Variants in NFIA observed in about 807,000 individuals in gnomAD.
NFIA encodes nuclear factor 1 A-type.
In NFIA, 8 loss-of-function variants were observed where a neutral mutation model predicts 62.8. The observed-to-expected ratio is 0.13, with a 90% CI of 0.07 to 0.23. The LOEUF is 0.23. Among genes scored for constraint, NFIA ranks in the 10% least tolerant of loss-of-function variants. NFIA has a pLI of 1.00. For synonymous variants in NFIA, 235 were observed against 238.1 expected (o/e 0.99, Z 0.12); for missense variants, 410 against 642.1 (o/e 0.64, Z 3.91).
chr1:61,412,032 A>G (rs1263533277), intron 9 of NFIA, among the ~76,000 whole-genome samples: 1 of 152,036 alleles, frequency 6.6e-6, no homozygotes, highest in Non-Finnish European at 1.5e-5. Flanking sequence ...CAGAGAGGTA[A>G]TGCCACCTAG....
At chr1:61,434,079 G>C (rs373132818) in intron 10 of NFIA, among the ~76,000 whole-genome samples, 3 of 152,192 alleles carry the variant, frequency 2.0e-5, no homozygotes, top group Non-Finnish European at 2.9e-5. Flanking sequence ...TTCTTCCCTT[G>C]TACAGGCAGC....
chr1:61,461,841 T>C lies in NFIA; in HGVS notation c.*6521T>C, dbSNP rs1198369715. 8 of 152,242 alleles carry C rather than the reference T, an allele frequency of 5.3e-5. No homozygotes were observed. Among genetic ancestry groups the C allele is most frequent in the Admixed American group, 2.6e-4 (4 of 15,286 alleles). The allele number at this position is 152,242 out of a possible 1,614,324, so 9.4% of individuals were successfully genotyped here. On this transcript the variant is annotated 3_prime_UTR_variant, in exon 11 of 11. Transcript: ENST00000403491. ...CCACCAGGTCATACAATGTGAACTT[T>C]TGTATCTCTGCAGTGGTTTCAAGGA...
chr1:61,461,602 A>AG lies in NFIA; in HGVS notation c.*6287dup, dbSNP rs2147963121. The AG allele has an allele frequency of 1.3e-5, 2 of 152,316 alleles. No individual in the cohort carries two copies. The highest frequency in any genetic ancestry group is 4.2e-4 in the South Asian group (2 of 4,818). The allele number at this position is 152,316 out of a possible 1,614,324, so 9.4% of individuals were successfully genotyped here. A position where few individuals can be genotyped will look rare whatever the true frequency, so the allele number is the denominator to read the frequency against. On this transcript the variant is annotated 3_prime_UTR_variant, in exon 11 of 11. Transcript: ENST00000403491. ...GATAGCGGAAATGCTTAGAAAGATA[A>AG]GGGGGACCACCCACAGCTGGTCGTG...
intron 2 of NFIA, among the ~76,000 whole-genome samples, chr1:61,099,455 C>G (rs559399530): frequency 6.6e-6 from 1 of 152,292 alleles, no homozygotes; most frequent in South Asian, 2.1e-4. Flanking sequence ...TCTTTAAACT[C>G]TTTTGGCAAT....
chr1:61,217,086 T>C (rs1653678831), intron 2 of NFIA, among the ~76,000 whole-genome samples: 1 of 150,858 alleles, frequency 6.6e-6, no homozygotes, highest in Non-Finnish European at 1.5e-5. Context: ...AGATGGAGTT[T>C]CACTCTGTCA....
At chr1:61,137,812 T>G (rs1443520958) in intron 2 of NFIA, among the ~76,000 whole-genome samples, 1 of 152,246 alleles carries the variant, frequency 6.6e-6, no homozygotes, top group Non-Finnish European at 1.5e-5. Flanking sequence ...CTTGCTTGTT[T>G]GGAAGAAGAA....
chr1:61,165,938 T>C (rs959128947), intron 2 of NFIA, among the ~76,000 whole-genome samples: 1 of 152,194 alleles, frequency 6.6e-6, no homozygotes. Context: ...ATTAAATAGT[T>C]AAGCTATAGG....
At chr1:61,357,461 A>C (rs1663022926) in intron 5 of NFIA, among the ~76,000 whole-genome samples, 1 of 152,130 alleles carries the variant, frequency 6.6e-6, no homozygotes, top group Non-Finnish European at 1.5e-5. Flanking sequence ...TTTAATACCA[A>C]ATGGCTGCCT....
At chr1:61,161,651 C>T (rs1451277550) in intron 2 of NFIA, among the ~76,000 whole-genome samples, 1 of 151,780 alleles carries the variant, frequency 6.6e-6, no homozygotes, top group African/African-American at 2.4e-5. Context: ...AACGGTTTGA[C>T]TTTATGATGA....
upstream of NFIA, chr1:61,082,411 G>A: frequency 1.1e-6 from 1 of 920,910 alleles, no homozygotes; most frequent in Non-Finnish European, 1.3e-6. Flanking sequence ...CGGCGGCTGT[G>A]CGGTGCGGTG....
chr1:61,416,108 C>A (rs530186141), intron 9 of NFIA, among the ~76,000 whole-genome samples: 1 of 152,224 alleles, frequency 6.6e-6, no homozygotes, highest in South Asian at 2.1e-4. Flanking sequence ...ACGTATCAGA[C>A]TGTATGTGGA....
chr1:61,254,568 G>A (rs1375340151), intron 2 of NFIA, among the ~76,000 whole-genome samples: 1 of 152,124 alleles, frequency 6.6e-6, no homozygotes, highest in Non-Finnish European at 1.5e-5. Context: ...CAGTTATGGA[G>A]CCATGTGAAA....
chr1:61,155,978 A>G (rs925376925), intron 2 of NFIA, among the ~76,000 whole-genome samples: 1 of 152,128 alleles, frequency 6.6e-6, no homozygotes, highest in Non-Finnish European at 1.5e-5. Context: ...TCACTACTAA[A>G]AATGCAAAAA....
At chr1:61,082,353 G>GCC (rs1298031022), upstream of NFIA, 15 of 370,594 alleles carry the variant, frequency 4.0e-5, no homozygotes, top group African/African-American at 3.4e-4. Flanking sequence ...CGCCGCAGCC[G>GCC]CCCCCTCCCC....
At chr1:61,333,736 G>A (rs1272792918) in intron 4 of NFIA, among the ~76,000 whole-genome samples, 2 of 152,128 alleles carry the variant, frequency 1.3e-5, no homozygotes, top group African/African-American at 2.4e-5. Flanking sequence ...GGTGGCTCAC[G>A]CTTGTAATCC....
intron 10 of NFIA, among the ~76,000 whole-genome samples, chr1:61,443,182 G>A (rs534949812): frequency 4.6e-5 from 7 of 152,134 alleles, no homozygotes; most frequent in Non-Finnish European, 1.0e-4. Context: ...TTAAGAAAAG[G>A]CCATGATCTA....
In NFIA at chr1:61,158,717, C is replaced by T. The variant is rs568795804; in HGVS notation, c.559+70037C>T. Among the ~76,000 whole-genome samples the T allele has an allele frequency of 4.6e-5, 7 of 152,216 alleles. No homozygotes were observed. The South Asian group carries it at 8.3e-4, about 18-fold the overall frequency. ...AGTTAATTCTTGGTTGACTTTATGTCGCGAGAGGGGTTGATTTGCTGTCAT... is the reference window on the plus strand; with the variant it reads ...AGTTAATTCTTGGTTGACTTTATGTTGCGAGAGGGGTTGATTTGCTGTCAT... On this transcript the variant is annotated intron_variant, in intron 2 of 10. Transcript: ENST00000403491.
chr1:61,220,532 T>C (rs1304808971), intron 2 of NFIA, among the ~76,000 whole-genome samples: 1 of 152,242 alleles, frequency 6.6e-6, no homozygotes, highest in Non-Finnish European at 1.5e-5. Flanking sequence ...AGAGACACTA[T>C]CATTGCTAAA....
chr1:61,103,057 GGTAAGT>G (rs1646539335), intron 2 of NFIA, among the ~76,000 whole-genome samples: 2 of 152,078 alleles, frequency 1.3e-5, no homozygotes. Context: ...TTTCAATAAG[GGTAAGT>G]GTATTTAGAC....
Sources: allele counts gnomAD v4.1 joint callset (sites outside exome capture counted in the v4.1 genomes callset), GRCh38; gene constraint gnomAD v4.1.1; transcripts MANE v1.5; gene names NCBI Gene and HGNC (gene_info 2026-07-23, HGNC 2026-07-21).